The following ZNF592 variants were observed in gnomAD, a reference collection of about 807,000 sequenced individuals.
ZNF592 encodes the protein zinc finger protein 592, also known as spinocerebellar ataxia, autosomal recessive 5.
Under a neutral mutation model 80.3 loss-of-function variants are expected in ZNF592, and 11 were observed. That is an observed-to-expected ratio of 0.14 (90% CI 0.09 to 0.23). The LOEUF is 0.23. Ranked by LOEUF, ZNF592 falls within the 10% of genes least tolerant of loss-of-function variation. The probability of loss-of-function intolerance (pLI) is 1.00; values close to 1 mark genes in which losing one functional copy is unlikely to be tolerated. For synonymous variants in ZNF592, 646 were observed against 640.3 expected, an observed-to-expected ratio of 1.01 and a Z score of -0.13; for missense variants, 1,420 against 1,633.9, an observed-to-expected ratio of 0.87 and a Z score of 2.26.
rs370765314 is a variant in ZNF592, at chr15:84,799,094, T to C, written c.3025-4T>C. 2.5e-5 allele frequency: 41 copies of C among 1,614,020 alleles called. No homozygotes were observed. The African/African-American group carries it at 5.3e-4, about 21-fold the overall frequency. The stretch of plus-strand genomic sequence containing the variant: ...GCTTTGTGTGTTGCCACCTCCTTCC[T>C]TAGACATTGAAGCGGTACCCATGCC... On this transcript the variant is annotated splice_region_variant and splice_polypyrimidine_tract_variant and intron_variant, in intron 8 of 10. Transcript: ENST00000560079. The surrounding 1 kb of genome is among the most constrained non-coding windows in gnomAD (Gnocchi z 4.2).
intron 1 of ZNF592, among the ~76,000 whole-genome samples, chr15:84,756,016 T>A (rs1278312501): frequency 6.6e-6 from 1 of 152,202 alleles, no homozygotes; most frequent in African/African-American, 2.4e-5. Context: ...ATCATTCCTT[T>A]TCTGGTGTGG....
At chr15:84,781,510 C>T (rs1178450040) in intron 3 of ZNF592, among the ~76,000 whole-genome samples, 1 of 148,810 alleles carries the variant, frequency 6.7e-6, no homozygotes, top group Admixed American at 6.8e-5. Context: ...AATTTTTGTT[C>T]TTAGGATAAA....
intron 5 of ZNF592, among the ~76,000 whole-genome samples, 158 bp from the exon 6 acceptor site, chr15:84,797,711 G>T (rs1962957278): frequency 6.6e-6 from 1 of 152,198 alleles, no homozygotes; most frequent in Non-Finnish European, 1.5e-5. Context: ...AGACCCTCAG[G>T]ACGTACTTGT....
intron 2 of ZNF592, among the ~76,000 whole-genome samples, chr15:84,766,379 A>C (rs2141969399): frequency 6.6e-6 from 1 of 152,332 alleles, no homozygotes; most frequent in Admixed American, 6.5e-5. Flanking sequence ...ATCACCAGGG[A>C]CATACAATAG....
chr15:84,758,493 C>T (rs1190933175), intron 1 of ZNF592, among the ~76,000 whole-genome samples: 1 of 152,066 alleles, frequency 6.6e-6, no homozygotes, highest in Non-Finnish European at 1.5e-5. Flanking sequence ...CCATGTTGCC[C>T]AGGCTGGTCT....
chr15:84,787,303 C>T (rs1962618093), intron 4 of ZNF592, among the ~76,000 whole-genome samples: 1 of 152,184 alleles, frequency 6.6e-6, no homozygotes, highest in African/African-American at 2.4e-5. Context: ...GGAAGGAGTG[C>T]ACAGAAGGCT....
intron 1 of ZNF592, among the ~76,000 whole-genome samples, chr15:84,753,920 T>C (rs1448095679): frequency 1.3e-5 from 2 of 152,274 alleles, no homozygotes; most frequent in Non-Finnish European, 2.9e-5. Flanking sequence ...TGTGGGCATC[T>C]GGTCCAGCGG....
Position 84,761,733 on chromosome 15 carries a change from T to G in ZNF592, c.-258-2974T>G, listed in dbSNP as rs1043107963. Among the ~76,000 whole-genome samples, 7 of 152,292 alleles carry G rather than the reference T, an allele frequency of 4.6e-5. No individual in the cohort carries two copies. The East Asian group carries it at 1.4e-3, about 29-fold the overall frequency. ...TTCTTTCTGGTCTGCTGAAAACTCTTCCTGTCTGAGTACAGCTGTCAGTGC... is the reference window on the plus strand; with the variant it reads ...TTCTTTCTGGTCTGCTGAAAACTCTGCCTGTCTGAGTACAGCTGTCAGTGC... On this transcript the variant is annotated intron_variant, in intron 1 of 10. Coordinates refer to ENST00000560079, the MANE Select transcript of ZNF592 (RefSeq NM_014630.3).
rs61737677 is a variant in ZNF592 at position 84,783,724 on chromosome 15, G to A, written c.1049G>A (p.Arg350His). The A allele has an allele frequency of 9.1e-3, 14,747 of 1,614,222 alleles. 100 individuals carry two copies. Among genetic ancestry groups the A allele is most frequent in the African/African-American group, 0.025 (1,893 of 75,056 alleles). The change falls in exon 4 of 11, where the codon CGT (arginine) becomes CAT (histidine). Residue 350 changes from arginine (R) to histidine (H), a missense_variant. Arg to His is a conservative substitution (Grantham distance 29). This residue lies in a region of ZNF592 where 524 missense variants were observed against 628.3 expected (regional missense o/e 0.83). Transcript: ENST00000560079. This position sits in a 1 kb window ranked among gnomAD's most constrained non-coding sequence, Gnocchi z 5.0. Reference sequence around the variant, plus strand: ...AGTATCAAGCCATCGGACAGCCCTCGTAGCATCTGCAGTGACAGCAGCAGC... The same window carrying A: ...AGTATCAAGCCATCGGACAGCCCTCATAGCATCTGCAGTGACAGCAGCAGC... ...RKSIKPSDSP[R>H]SICSDSSSKG...
intron 1 of ZNF592, among the ~76,000 whole-genome samples, chr15:84,751,409 AT>A (rs930926223): frequency 2.6e-5 from 4 of 152,164 alleles, no homozygotes; most frequent in Non-Finnish European, 5.9e-5. Flanking sequence ...TGAAGTTTGC[AT>A]TTTGCTCCTG....
intron 2 of ZNF592, among the ~76,000 whole-genome samples, chr15:84,773,692 C>T (rs1339941440): frequency 6.6e-6 from 1 of 151,990 alleles, no homozygotes; most frequent in African/African-American, 2.4e-5. Flanking sequence ...GATGAACAAA[C>T]CTATAAGTTA....
intron 5 of ZNF592, among the ~76,000 whole-genome samples, chr15:84,792,760 C>T (rs1398398892): frequency 6.6e-6 from 1 of 152,134 alleles, no homozygotes; most frequent in African/African-American, 2.4e-5. Context: ...GCATTATAAA[C>T]ATTTAAAAAT....
At chr15:84,801,283 A>G (rs1366842156) in intron 10 of ZNF592, among the ~76,000 whole-genome samples, 1 of 151,968 alleles carries the variant, frequency 6.6e-6, no homozygotes, top group Non-Finnish European at 1.5e-5. Context: ...TGATCACGCC[A>G]CTGCACTCCA....
rs933183119 is a variant in ZNF592 at position 84,803,288 on chromosome 15, T to A, written c.*895T>A. On this transcript the variant is annotated 3_prime_UTR_variant, in exon 11 of 11. Transcript: ENST00000560079. ...CAGACTATATTTCAAATAAAAAATCTTCTCACCATGCAGGTAGGCTCTTGT... is the reference window on the plus strand; with the variant it reads ...CAGACTATATTTCAAATAAAAAATCATCTCACCATGCAGGTAGGCTCTTGT... The A allele has an allele frequency of 6.5e-6, 1 of 152,674 alleles. No individual in the cohort carries two copies. The highest frequency in any genetic ancestry group is 1.5e-5 in the Non-Finnish European group (1 of 68,056). 9.5% of individuals were successfully genotyped at this position (152,674 alleles called of 1,614,324 possible).
chr15:84,752,231 A>G (rs753031008), intron 1 of ZNF592, among the ~76,000 whole-genome samples: 1 of 152,120 alleles, frequency 6.6e-6, no homozygotes, highest in Non-Finnish European at 1.5e-5. Flanking sequence ...GTGATCAGTC[A>G]TTCAACATCA....
intron 4 of ZNF592, among the ~76,000 whole-genome samples, chr15:84,786,841 CTTTTTTTTTTTT>C (rs35391255): frequency 1.4e-5 from 1 of 70,818 alleles, no homozygotes; most frequent in Admixed American, 1.8e-4. Flanking sequence ...CCTTACGTAT[CTTTTTTTTTTTT>C]TTTTTTTTTT....
intron 1 of ZNF592, chr15:84,753,190 C>T (rs1461779254): frequency 6.6e-6 from 1 of 152,090 alleles, no homozygotes; most frequent in Non-Finnish European, 1.5e-5. Flanking sequence ...AATAAAATAT[C>T]AGAAAGGAGC....
chr15:84,755,260 C>G (rs1291931461), intron 1 of ZNF592, among the ~76,000 whole-genome samples: 1 of 151,802 alleles, frequency 6.6e-6, no homozygotes, highest in Non-Finnish European at 1.5e-5. Flanking sequence ...GTCACTGCAC[C>G]TGGCTGAGAT....
intron 2 of ZNF592, among the ~76,000 whole-genome samples, chr15:84,771,747 A>C (rs1192266064): frequency 6.6e-6 from 1 of 152,116 alleles, no homozygotes; most frequent in Non-Finnish European, 1.5e-5. Flanking sequence ...TTTTTTTGCC[A>C]CTGGCTTGAA....
Sources: gnomAD v4.1 joint callset for allele counts (sites outside exome capture counted in the v4.1 genomes callset) on GRCh38, gnomAD v4.1.1 for gene constraint, gnomAD v4.1.1 regional missense constraint, Gnocchi (gnomAD v3.1) non-coding constraint, MANE v1.5 for transcripts, NCBI Gene and HGNC (gene_info 2026-07-23, HGNC 2026-07-21) for gene names.